The following FBXO3 variants were observed in gnomAD, a reference collection of about 807,000 sequenced individuals.
The protein encoded by FBXO3 is F-box only protein 3.
FBXO3 carries 17 observed loss-of-function variants against 64.8 expected under a neutral mutation model. The ratio of observed to expected loss-of-function variants is 0.26; its 90% confidence interval spans 0.18 to 0.39. The LOEUF is 0.39. FBXO3 is among the 10% of genes least tolerant of loss of function. FBXO3 has a pLI of 1.00. For missense variants in FBXO3, 420 were observed against 589.9 expected, an observed-to-expected ratio of 0.71 and a Z score of 2.98; for synonymous variants, 182 against 201.6, an observed-to-expected ratio of 0.90 and a Z score of 0.82.
chr11:33,742,264 A>G lies in FBXO3; in HGVS notation c.1240-180T>C, dbSNP rs139635376. 2.6e-5 allele frequency: 12 copies of G among 456,200 alleles called. No individual in the cohort carries two copies. In the Admixed American group the frequency reaches 3.7e-4, roughly 14 times the overall value. The allele number at this position is 456,200 out of a possible 1,614,324, so 28.3% of individuals were successfully genotyped here. Reference sequence around the variant, plus strand: ...GATGCAAGATTCTGGAGTGGATTCTATATCTTGTGTTAAATAATGCTCAGT... The same window carrying G: ...GATGCAAGATTCTGGAGTGGATTCTGTATCTTGTGTTAAATAATGCTCAGT... On this transcript the variant is annotated intron_variant, in intron 10 of 10. Coordinates refer to ENST00000265651, the MANE Select transcript of FBXO3 (RefSeq NM_012175.4).
At chr11:33,761,095 C>A (rs578173391) in intron 3 of FBXO3, among the ~76,000 whole-genome samples, 1 of 151,962 alleles carries the variant, frequency 6.6e-6, no homozygotes, top group South Asian at 2.1e-4. Flanking sequence ...TTACATTAGA[C>A]TTTAAAAAGT....
intron 3 of FBXO3, among the ~76,000 whole-genome samples, chr11:33,767,243 T>C (rs1219560848): frequency 3.3e-5 from 5 of 152,216 alleles, no homozygotes; most frequent in African/African-American, 1.2e-4. Context: ...CTGCTCTATA[T>C]CCAAATCCTG....
intron 4 of FBXO3, 115 bp downstream of exon 4, chr11:33,758,372 G>C (rs1162197384): frequency 6.5e-6 from 4 of 611,380 alleles, no homozygotes; most frequent in Non-Finnish European, 1.1e-5. Flanking sequence ...AGGAGAAAGA[G>C]GGAATTCCCA....
At chr11:33,745,106 G>A (rs1407082914) in intron 10 of FBXO3, 1 of 152,174 alleles carries the variant, frequency 6.6e-6, no homozygotes, top group Admixed American at 6.5e-5. Flanking sequence ...CAGCGATAAA[G>A]ATGGAGATTT....
chr11:33,771,878 C>G (rs1855519543), intron 1 of FBXO3: 1 of 152,122 alleles, frequency 6.6e-6, no homozygotes, highest in African/African-American at 2.4e-5. Context: ...AGCTAAATGA[C>G]ATAAAAGAAT....
At chr11:33,768,157 T>C (rs1855422994) in intron 3 of FBXO3, among the ~76,000 whole-genome samples, 1 of 152,156 alleles carries the variant, frequency 6.6e-6, no homozygotes, top group Non-Finnish European at 1.5e-5. Flanking sequence ...TGTAGAAATC[T>C]GAAAAAAACT....
intron 3 of FBXO3, among the ~76,000 whole-genome samples, chr11:33,767,289 GTTTT>G (rs576791003): frequency 1.3e-5 from 2 of 149,178 alleles, no homozygotes; most frequent in African/African-American, 4.9e-5. Context: ...AAACAACTTA[GTTTT>G]TTTTTTGTTT....
chr11:33,748,496 C>T (rs1854872582), intron 9 of FBXO3, among the ~76,000 whole-genome samples: 1 of 151,980 alleles, frequency 6.6e-6, no homozygotes, highest in South Asian at 2.1e-4. Context: ...CTTCAAAAAA[C>T]ATGACGAATA....
At position 33,751,603 on chromosome 11, in the gene FBXO3, A is replaced by G; in HGVS notation, c.729T>C (p.Ala243=). ...PAAIDMFIIG[A]TFTDWFTSYV... is the part of the protein sequence containing the mutation. ...AAGAGGTAAACCAGTCAGTAAAAGT[A>G]GCACCTATAAAGCAGGAAAGGGAGA... Residue 243 remains alanine, a synonymous_variant, in exon 7 of 11, where the codon GCT becomes GCC. Transcript: ENST00000265651. 1 of 1,589,276 alleles carries G rather than the reference A, an allele frequency of 6.3e-7. No individual in the cohort carries two copies. Among genetic ancestry groups the G allele is most frequent in the African/African-American group, 1.4e-5 (1 of 73,912 alleles).
At position 33,741,877 on chromosome 11, in the gene FBXO3, C is replaced by A; in HGVS notation, c.*31G>T. On this transcript the variant is annotated 3_prime_UTR_variant, in exon 11 of 11. Coordinates refer to ENST00000265651, the MANE Select transcript of FBXO3 (RefSeq NM_012175.4). Reference sequence around the variant, plus strand: ...AGAAATCTATTTAACAGCCTAGAATCATCCTAGTGCTTCCATCAGCAGAAG... The same window carrying A: ...AGAAATCTATTTAACAGCCTAGAATAATCCTAGTGCTTCCATCAGCAGAAG... The A allele has an allele frequency of 6.3e-7, 1 of 1,591,852 alleles. No homozygotes were observed. Among genetic ancestry groups the A allele is most frequent in the Non-Finnish European group, 8.5e-7 (1 of 1,170,000 alleles).
In FBXO3 at chr11:33,741,667, T is replaced by G. The variant is rs1483799023; in HGVS notation, c.*241A>C. ...TGTCCATTCCTTAGCTAGAGAACTA[T>G]TCTTCCACTGACTCCTGGAAGAGAA... On this transcript the variant is annotated 3_prime_UTR_variant, in exon 11 of 11. Transcript: ENST00000265651. 3 of 337,834 alleles carry G rather than the reference T, an allele frequency of 8.9e-6. No homozygotes were observed. Among genetic ancestry groups the G allele is most frequent in the Non-Finnish European group, 1.6e-5 (3 of 188,408 alleles). The allele number at this position is 337,834 out of a possible 1,614,324, so 20.9% of individuals were successfully genotyped here.
At chr11:33,746,004 A>C (rs1185593788) in intron 10 of FBXO3, 1 of 152,192 alleles carries the variant, frequency 6.6e-6, no homozygotes, top group East Asian at 1.9e-4. Flanking sequence ...TTATACCAAT[A>C]AATTCAACAT....
At chr11:33,768,744 T>C (rs1855435751) in intron 3 of FBXO3, 107 bp downstream of exon 3, 3 of 1,270,884 alleles carry the variant, frequency 2.4e-6, no homozygotes, top group South Asian at 2.4e-5. Context: ...ACAGACAAAG[T>C]TGGGTTAACA....
chr11:33,771,354 G>A (rs1855506002), intron 1 of FBXO3: 1 of 152,214 alleles, frequency 6.6e-6, no homozygotes, highest in Admixed American at 6.5e-5. Flanking sequence ...TCCACCTATA[G>A]AGGGTGCCTG....
intron 7 of FBXO3, among the ~76,000 whole-genome samples, 183 bp from the exon 8 acceptor site, chr11:33,750,844 G>C (rs1342807082): frequency 6.6e-6 from 1 of 152,128 alleles, no homozygotes; most frequent in Non-Finnish European, 1.5e-5. Context: ...ACAAAACCTT[G>C]GTGACTCTGG....
chr11:33,753,706 GT>G (rs1315520329), intron 6 of FBXO3: 1 of 152,186 alleles, frequency 6.6e-6, no homozygotes, highest in Non-Finnish European at 1.5e-5. Flanking sequence ...CTTATACATT[GT>G]TCAAAGTTCC....
At chr11:33,746,361 A>G in intron 10 of FBXO3, 1 of 326,108 alleles carries the variant, frequency 3.1e-6, no homozygotes, top group Non-Finnish European at 5.6e-6. Flanking sequence ...TATGCCACAC[A>G]GGTAATGGCC....
At chr11:33,749,194 A>G (rs531929739) in intron 8 of FBXO3, among the ~76,000 whole-genome samples, 26 of 152,214 alleles carry the variant, frequency 1.7e-4, no homozygotes, top group Non-Finnish European at 2.9e-4. Context: ...TCGCTGTTCA[A>G]ATAAAGATCA....
chr11:33,773,103 C>A (rs1485694087), intron 1 of FBXO3: 2 of 151,980 alleles, frequency 1.3e-5, no homozygotes, highest in African/African-American at 2.4e-5. Flanking sequence ...CCTGGAGGAC[C>A]TTAGATATAC....
Sources: allele counts gnomAD v4.1 joint callset (sites outside exome capture counted in the v4.1 genomes callset), GRCh38; gene constraint gnomAD v4.1.1; transcripts MANE v1.5; gene names NCBI Gene and HGNC (gene_info 2026-07-23, HGNC 2026-07-21).